LRBA: variants seen among roughly 807,000 people sequenced by gnomAD.
LRBA encodes the protein LPS responsive beige-like anchor protein.
A neutral mutation model predicts 330.0 loss-of-function variants in LRBA; 176 were observed. The ratio of observed to expected loss-of-function variants is 0.53; its 90% confidence interval spans 0.47 to 0.60. The LOEUF is 0.60. LRBA is among the 20% of genes least tolerant of loss of function. LRBA has a pLI of 0.00. For missense variants in LRBA, 3,259 were observed against 3,444.8 expected (o/e 0.95, Z 1.35); for synonymous variants, 1,230 against 1,193.0 (o/e 1.03, Z -0.64).
Position 150,837,608 on chromosome 4 carries a change from T to A in LRBA, c.4570-5632A>T, listed in dbSNP as rs570230850. 1.1e-4 allele frequency among the ~76,000 whole-genome samples: 16 copies of A among 152,334 alleles called. No individual in the cohort carries two copies. The East Asian group carries it at 3.1e-3, about 29-fold the overall frequency. The stretch of plus-strand genomic sequence containing the variant: ...AGTCTGTTTTATCAGAGACTAGGAT[T>A]GCAACCCCTGCCTTTTTTTGTTTTC... On this transcript the variant is annotated intron_variant, in intron 28 of 56. Coordinates refer to ENST00000651943, the MANE Select transcript of LRBA (RefSeq NM_001364905.1).
chr4:150,983,449 CTTTTTTTTTT>C (rs35205576), intron 2 of LRBA, among the ~76,000 whole-genome samples: 4 of 107,262 alleles, frequency 3.7e-5, no homozygotes, highest in Non-Finnish European at 7.4e-5. Context: ...AGCAAGCACT[CTTTTTTTTTT>C]TTTTTTTTTT....
At chr4:150,708,982 T>C (rs1272080116) in intron 36 of LRBA, among the ~76,000 whole-genome samples, 1 of 151,826 alleles carries the variant, frequency 6.6e-6, no homozygotes, top group Admixed American at 6.6e-5. Flanking sequence ...TCATGACCTT[T>C]AAATTCTACA....
chr4:150,541,741 G>A (rs1405879036), intron 40 of LRBA, among the ~76,000 whole-genome samples: 1 of 152,074 alleles, frequency 6.6e-6, no homozygotes, highest in Non-Finnish European at 1.5e-5. Context: ...GGAGTGCAGT[G>A]GATGCTTCCT....
At chr4:150,334,833 T>C (rs899422314) in intron 48 of LRBA, among the ~76,000 whole-genome samples, 1 of 25,028 alleles carries the variant, frequency 4.0e-5, no homozygotes, top group East Asian at 5.7e-4. Context: ...TTGTCTTGGT[T>C]TTTTTTTTTT....
At chr4:150,559,299 A>G (rs943652540) in intron 40 of LRBA, among the ~76,000 whole-genome samples, 7 of 151,790 alleles carry the variant, frequency 4.6e-5, no homozygotes, top group Admixed American at 4.0e-4. Flanking sequence ...ATGGTGGCTC[A>G]TGCCTGTAAT....
intron 47 of LRBA, among the ~76,000 whole-genome samples, chr4:150,377,484 T>C (rs1356302835): frequency 6.6e-6 from 1 of 152,136 alleles, no homozygotes; most frequent in African/African-American, 2.4e-5. Flanking sequence ...ATGCAGCAGC[T>C]AAAGCAAAGT....
At chr4:150,954,296 G>A (rs1579309428) in intron 2 of LRBA, among the ~76,000 whole-genome samples, 1 of 152,292 alleles carries the variant, frequency 6.6e-6, no homozygotes, top group Non-Finnish European at 1.5e-5. Context: ...AACGGGCCAT[G>A]ATGACGATGG....
At chr4:150,508,962 A>G (rs1761500644) in intron 40 of LRBA, among the ~76,000 whole-genome samples, 1 of 152,232 alleles carries the variant, frequency 6.6e-6, no homozygotes, top group Non-Finnish European at 1.5e-5. Context: ...TAAGACTCAA[A>G]TCAGATAAAG....
In LRBA at chr4:150,467,563, G is replaced by C. The variant is rs76040703; in HGVS notation, c.6780+110C>G. ...TGTTTAAGAGATAATTATATTAAAG[G>C]TACGACTATATTTGAAAAAAATTTT... On this transcript the variant is annotated intron_variant, in intron 44 of 56. Transcript: ENST00000651943. The C allele has an allele frequency of 1.6e-4, 95 of 606,704 alleles. No homozygotes were observed. In the African/African-American group the frequency reaches 1.6e-3, roughly 10 times the overall value. 37.6% of individuals were successfully genotyped at this position (606,704 alleles called of 1,614,324 possible).
In LRBA at chr4:150,583,203, G is replaced by A; in HGVS notation, c.6330+4845C>T. The A allele has an allele frequency of 6.2e-7, 1 of 1,614,248 alleles. No individual in the cohort carries two copies. The highest frequency in any genetic ancestry group is 1.1e-5 in the South Asian group (1 of 91,088). ...CTCGCTTCATCAGCTCCTTGAGCGA[G>A]ATCGATGCCCGCTACGAGGGGCTCG... On this transcript the variant is annotated intron_variant, in intron 40 of 56. Coordinates refer to ENST00000651943, the MANE Select transcript of LRBA (RefSeq NM_001364905.1). The surrounding 1 kb of genome is among the most constrained non-coding windows in gnomAD (Gnocchi z 9.8).
chr4:150,819,642 GA>G (rs1332963396), intron 30 of LRBA, among the ~76,000 whole-genome samples: 1 of 152,022 alleles, frequency 6.6e-6, no homozygotes, highest in Non-Finnish European at 1.5e-5. Flanking sequence ...CTGTATGCCT[GA>G]ACATTTTCAT....
At chr4:150,981,105 A>C (rs1251005605) in intron 2 of LRBA, among the ~76,000 whole-genome samples, 1 of 151,958 alleles carries the variant, frequency 6.6e-6, no homozygotes, top group East Asian at 1.9e-4. Context: ...GACATTCTTC[A>C]GAGAAATTAA....
chr4:150,300,260 A>C (rs1240441726), intron 53 of LRBA, among the ~76,000 whole-genome samples: 1 of 152,050 alleles, frequency 6.6e-6, no homozygotes. Flanking sequence ...GCTTGAAAGG[A>C]TAAGGTTCAC....
chr4:150,422,275 A>G (rs1748916367), intron 46 of LRBA, among the ~76,000 whole-genome samples: 1 of 151,962 alleles, frequency 6.6e-6, no homozygotes, highest in South Asian at 2.1e-4. Flanking sequence ...CAAAAACCCA[A>G]AAAACCCCCC....
chr4:150,404,762 A>T (rs780435949), intron 47 of LRBA, among the ~76,000 whole-genome samples: 18 of 152,350 alleles, frequency 1.2e-4, no homozygotes, highest in Non-Finnish European at 1.9e-4. Flanking sequence ...AAATACTAAC[A>T]ATGTGGTAGA....
intron 9 of LRBA, among the ~76,000 whole-genome samples, 194 bp downstream of exon 9, chr4:150,914,001 T>G (rs1009464674): frequency 6.6e-6 from 1 of 152,212 alleles, no homozygotes; most frequent in African/African-American, 2.4e-5. Context: ...ACCAATTTAG[T>G]TGAAAACCAT....
At chr4:150,519,353 G>A (rs1762681747) in intron 40 of LRBA, among the ~76,000 whole-genome samples, 1 of 152,080 alleles carries the variant, frequency 6.6e-6, no homozygotes, top group Non-Finnish European at 1.5e-5. Context: ...CAGAAAGGTT[G>A]CTCACATCTC....
At chr4:150,788,239 A>ATTTTTTT (rs377479266) in intron 34 of LRBA, among the ~76,000 whole-genome samples, 7 of 123,238 alleles carry the variant, frequency 5.7e-5, no homozygotes, top group African/African-American at 2.7e-4. Flanking sequence ...CACCCGGTTA[A>ATTTTTTT]TTTTTTTTTT....
At chr4:150,571,700 A>C (rs1275123814) in intron 40 of LRBA, among the ~76,000 whole-genome samples, 1 of 142,884 alleles carries the variant, frequency 7.0e-6, no homozygotes, top group Non-Finnish European at 1.5e-5. Flanking sequence ...GCACTGGACA[A>C]ATGAAAGTGA....
Sources: allele counts gnomAD v4.1 joint callset (sites outside exome capture counted in the v4.1 genomes callset), GRCh38; gene constraint gnomAD v4.1.1; non-coding constraint Gnocchi (gnomAD v3.1); transcripts MANE v1.5; gene names NCBI Gene and HGNC (gene_info 2026-07-23, HGNC 2026-07-21).